The following SSH2 variants were observed in gnomAD, a reference collection of about 807,000 sequenced individuals.
SSH2 encodes protein phosphatase Slingshot homolog 2.
A neutral mutation model predicts 135.2 loss-of-function variants in SSH2; 37 were observed. That is an observed-to-expected ratio of 0.27 (90% CI 0.21 to 0.36). The LOEUF (loss-of-function observed/expected upper bound fraction) is 0.36, where lower values mean the gene tolerates loss of function less well. Ranked by LOEUF, SSH2 falls within the 10% of genes least tolerant of loss-of-function variation. SSH2 has a pLI of 1.00. For missense variants in SSH2, 1,408 were observed against 1,765.3 expected (o/e 0.80, Z 3.63); for synonymous variants, 628 against 646.2 (o/e 0.97, Z 0.43).
At chr17:29,764,881 G>C (rs2041408100) in intron 3 of SSH2, among the ~76,000 whole-genome samples, 1 of 152,174 alleles carries the variant, frequency 6.6e-6, no homozygotes, top group Non-Finnish European at 1.5e-5. Flanking sequence ...GAAAACTGGA[G>C]ACTTACATGC....
intron 12 of SSH2, among the ~76,000 whole-genome samples, chr17:29,653,985 C>T (rs944323861): frequency 6.6e-6 from 1 of 152,172 alleles, no homozygotes; most frequent in African/African-American, 2.4e-5. Context: ...GTATATAAAG[C>T]AGATGCAATG....
intron 3 of SSH2, among the ~76,000 whole-genome samples, chr17:29,753,620 A>AC (rs71138849): frequency 6.8e-6 from 1 of 148,066 alleles, no homozygotes; most frequent in African/African-American, 2.5e-5. Context: ...ACATGGTGAA[A>AC]CCCCGTCTGT....
chr17:29,746,677 G>A (rs1176099936), intron 3 of SSH2, among the ~76,000 whole-genome samples: 1 of 152,070 alleles, frequency 6.6e-6, no homozygotes, highest in Non-Finnish European at 1.5e-5. Flanking sequence ...AGGGACGTGG[G>A]TCAGAGGAGA....
At chr17:29,751,539 T>C (rs530673041) in intron 3 of SSH2, among the ~76,000 whole-genome samples, 144 of 152,234 alleles carry the variant, frequency 9.5e-4, no homozygotes, top group Non-Finnish European at 1.6e-3. Context: ...GTACTGTACA[T>C]AACTGTATGC....
chr17:29,899,218 C>T (rs1419522014), intron 1 of SSH2, among the ~76,000 whole-genome samples: 2 of 151,448 alleles, frequency 1.3e-5, no homozygotes, highest in African/African-American at 2.4e-5. Context: ...AAAACTGGCA[C>T]AAGACAGGGA....
At chr17:29,899,066 A>G (rs2066498083) in intron 1 of SSH2, among the ~76,000 whole-genome samples, 1 of 152,208 alleles carries the variant, frequency 6.6e-6, no homozygotes. Flanking sequence ...AAGGCCTTTG[A>G]CAAAATTCAA....
rs1182056468 is a variant in SSH2, at chr17:29,930,114, G to C, written c.-114C>G. 1 of 927,332 alleles carries C rather than the reference G, an allele frequency of 1.1e-6. No homozygotes were observed. The highest frequency in any genetic ancestry group is 1.6e-6 in the Non-Finnish European group (1 of 620,788). 57.4% of individuals were successfully genotyped at this position (927,332 alleles called of 1,614,324 possible). On this transcript the variant is annotated 5_prime_UTR_variant, in exon 1 of 16. Transcript: ENST00000540801. Reference sequence around the variant, plus strand: ...TGCGGGGTGGGGGTGAAGGGAACGGGGAGGAGGAGGAGGCCGCGGGAACGG... The same window carrying C: ...TGCGGGGTGGGGGTGAAGGGAACGGCGAGGAGGAGGAGGCCGCGGGAACGG...
chr17:29,648,340 G>T lies in SSH2; in HGVS notation c.1231C>A (p.His411Asn), dbSNP rs750250579. 6.3e-7 allele frequency: 1 copy of T among 1,599,600 alleles called. No individual in the cohort carries two copies. The highest frequency in any genetic ancestry group is 8.5e-7 in the Non-Finnish European group (1 of 1,171,350). ...CAGTGCACAAGGCATTTAGATCCATGTTTCCTTGTTTGGGGGATTGAGGTA... is the reference window on the plus strand; with the variant it reads ...CAGTGCACAAGGCATTTAGATCCATTTTTCCTTGTTTGGGGGATTGAGGTA... ...TYKFISKAKK[H>N]GSKCLVHCKM... Residue 411 changes from histidine to asparagine, a missense_variant, in exon 14 of 16, where the codon CAT becomes AAT. Transcript: ENST00000540801.
intron 3 of SSH2, among the ~76,000 whole-genome samples, chr17:29,744,611 T>C (rs1427118723): frequency 6.6e-6 from 1 of 152,212 alleles, no homozygotes; most frequent in East Asian, 1.9e-4. Flanking sequence ...ACATTGCTTA[T>C]ATAGAACATT....
At chr17:29,800,081 G>C (rs1179394318) in intron 2 of SSH2, among the ~76,000 whole-genome samples, 2 of 151,890 alleles carry the variant, frequency 1.3e-5, no homozygotes, top group South Asian at 2.1e-4. Flanking sequence ...AATTCCTTTG[G>C]CTCCCCCAAA....
At chr17:29,829,981 A>C (rs536374375) in intron 2 of SSH2, among the ~76,000 whole-genome samples, 1 of 151,966 alleles carries the variant, frequency 6.6e-6, no homozygotes, top group South Asian at 2.1e-4. Flanking sequence ...CTGGGACTAC[A>C]GGTGCCCGCC....
chr17:29,784,065 CAAA>C (rs71138857), intron 3 of SSH2, among the ~76,000 whole-genome samples: 111 of 8,208 alleles, frequency 0.014, no homozygotes, highest in African/African-American at 0.039. Context: ...GACTCCGTCT[CAAA>C]AAAAAAAAAA....
chr17:29,722,610 C>T (rs2039860885), intron 3 of SSH2, among the ~76,000 whole-genome samples: 1 of 152,146 alleles, frequency 6.6e-6, no homozygotes. Flanking sequence ...GATAACATGG[C>T]AGGAATGAAA....
intron 1 of SSH2, among the ~76,000 whole-genome samples, chr17:29,908,804 A>T (rs1015503547): frequency 3.2e-5 from 4 of 123,784 alleles, no homozygotes; most frequent in African/African-American, 1.3e-4. Context: ...ATTGGCCGGG[A>T]GTGGTGGCTC....
At chr17:29,903,245 ATATT>A (rs989880445) in intron 1 of SSH2, among the ~76,000 whole-genome samples, 46 of 148,036 alleles carry the variant, frequency 3.1e-4, no homozygotes, top group Non-Finnish European at 5.4e-4. Flanking sequence ...TATTAAAAAT[ATATT>A]TATATATTTA....
chr17:29,776,577 C>A (rs1023616526), intron 3 of SSH2: 14 of 152,368 alleles, frequency 9.2e-5, no homozygotes, highest in African/African-American at 3.4e-4. Flanking sequence ...GTAAAGTTGA[C>A]TTCAGAATCT....
Position 29,626,818 on chromosome 17 carries a change from T to G in SSH2, c.*4023A>C, listed in dbSNP as rs2035514700. 1 of 152,632 alleles carries G rather than the reference T, an allele frequency of 6.6e-6. No individual in the cohort carries two copies. Among genetic ancestry groups the G allele is most frequent in the Non-Finnish European group, 1.5e-5 (1 of 68,044 alleles). The allele number at this position is 152,632 out of a possible 1,614,324, so 9.5% of individuals were successfully genotyped here. A position where few individuals can be genotyped will look rare whatever the true frequency, so the allele number is the denominator to read the frequency against. On this transcript the variant is annotated 3_prime_UTR_variant, in exon 16 of 16. Coordinates refer to ENST00000540801, the MANE Select transcript of SSH2 (RefSeq NM_001282129.2). ...TGTGTCTAATACATGCCTTGATCTT[T>G]TAGTTTGGAAGGGAAAACAAAGTCC...
chr17:29,689,886 T>C (rs2038388751), intron 5 of SSH2, among the ~76,000 whole-genome samples: 1 of 151,804 alleles, frequency 6.6e-6, no homozygotes, highest in African/African-American at 2.4e-5. Flanking sequence ...TCATGGCATG[T>C]ACCTGTAATC....
At chr17:29,693,853 C>T (rs1464602001) in intron 5 of SSH2, among the ~76,000 whole-genome samples, 2 of 152,114 alleles carry the variant, frequency 1.3e-5, no homozygotes, top group African/African-American at 4.8e-5. Context: ...TCTTTTCCTC[C>T]TCTCTATTCT....
Sources: gnomAD v4.1 joint callset for allele counts (sites outside exome capture counted in the v4.1 genomes callset) on GRCh38, gnomAD v4.1.1 for gene constraint, MANE v1.5 for transcripts, NCBI Gene and HGNC (gene_info 2026-07-23, HGNC 2026-07-21) for gene names.